CPB1: variants seen among roughly 807,000 people sequenced by gnomAD.
CPB1 encodes carboxypeptidase B.
A neutral mutation model predicts 51.4 loss-of-function variants in CPB1; 53 were observed. The ratio of observed to expected loss-of-function variants is 1.03; its 90% CI spans 0.83 to 1.30. The LOEUF (loss-of-function observed/expected upper bound fraction) is 1.30, where lower values mean the gene tolerates loss of function less well. Ranked by LOEUF, CPB1 falls within the 50% of genes most tolerant of loss-of-function variation. The pLI is 0.00. For missense variants in CPB1, 494 were observed against 516.2 expected, an observed-to-expected ratio of 0.96 and a Z score of 0.42; for synonymous variants, 189 against 186.9, an observed-to-expected ratio of 1.01 and a Z score of -0.09.
chr3:148,834,702 A>G, intron 3 of CPB1, 80 bp downstream of exon 3: 1 of 1,413,082 alleles, frequency 7.1e-7, no homozygotes, highest in Non-Finnish European at 9.7e-7. Context: ...CTGGGAAGGA[A>G]GAAATGAGAC....
rs759006417 is a variant in CPB1, at chr3:148,828,114, A to G, written c.147+37A>G. The G allele has an allele frequency of 2.0e-6, 3 of 1,494,430 alleles. No individual in the cohort carries two copies. The African/African-American group carries it at 4.2e-5, about 21-fold the overall frequency. The allele number at this position is 1,494,430 out of a possible 1,614,324, so 92.6% of individuals were successfully genotyped here. ...TTTTGATTTACTTCACATCTAATTT[A>G]AAATCTTAGATCGCACTGTGATTCC... On this transcript the variant is annotated intron_variant, in intron 2 of 10. Coordinates refer to ENST00000282957, the MANE Select transcript of CPB1 (RefSeq NM_001871.3).
At chr3:148,853,478 C>T (rs1051808504) in intron 9 of CPB1, among the ~76,000 whole-genome samples, 5 of 152,196 alleles carry the variant, frequency 3.3e-5, no homozygotes, top group African/African-American at 7.2e-5. Flanking sequence ...TCTTGGGCTA[C>T]GAGCTAGATG....
In CPB1 at chr3:148,850,615, A is replaced by G. The variant is rs567571707; in HGVS notation, c.981+4989A>G. ...TAATTGAAGTTTTAATTAAGGCATT[A>G]CTAAGATAGAAGTCCACTGCTCTCC... On this transcript the variant is annotated intron_variant, in intron 9 of 10. Transcript: ENST00000282957. 5.3e-5 allele frequency among the ~76,000 whole-genome samples: 8 copies of G among 152,332 alleles called. No homozygotes were observed. The South Asian group carries it at 8.3e-4, about 16-fold the overall frequency.
At chr3:148,859,060 C>T (rs1713676596) in intron 10 of CPB1, among the ~76,000 whole-genome samples, 1 of 152,076 alleles carries the variant, frequency 6.6e-6, no homozygotes, top group South Asian at 2.1e-4. Flanking sequence ...AGAGATAGCC[C>T]ACCTATTTAT....
intron 3 of CPB1, among the ~76,000 whole-genome samples, chr3:148,839,982 A>C (rs1713028979): frequency 6.6e-6 from 1 of 152,114 alleles, no homozygotes; most frequent in Non-Finnish European, 1.5e-5. Flanking sequence ...CATAATAGAA[A>C]CTATCACCTG....
chr3:148,844,594 T>A lies in CPB1; in HGVS notation c.687+6T>A, dbSNP rs770424800. The A allele has an allele frequency of 2.5e-6, 4 of 1,612,388 alleles. No homozygotes were observed. The highest frequency in any genetic ancestry group is 3.4e-6 in the Non-Finnish European group (4 of 1,178,540). Reference sequence around the variant, plus strand: ...ACATCTACACCTGGACCAAGGTATATGCACCAATACTGAGAGAGGCTGATG... The same window carrying A: ...ACATCTACACCTGGACCAAGGTATAAGCACCAATACTGAGAGAGGCTGATG... On this transcript the variant is annotated splice_donor_region_variant and intron_variant, in intron 7 of 10. Transcript: ENST00000282957.
rs1430022001 is a variant in CPB1, at chr3:148,844,525, C to T, written c.624C>T (p.Asp208=). ...GREIQVTELL[D]KLDFYVLPVL... The stretch of plus-strand genomic sequence containing the variant: ...AGATCCAAGTGACAGAGCTTCTCGA[C>T]AAGTTAGACTTTTATGTCCTGCCTG... The change falls in exon 7 of 11, where the codon GAC becomes GAT. Residue 208 remains aspartate (D), a synonymous_variant. Transcript: ENST00000282957. 1 of 1,613,916 alleles carries T rather than the reference C, an allele frequency of 6.2e-7. No homozygotes were observed. The highest frequency in any genetic ancestry group is 1.1e-5 in the South Asian group (1 of 91,068).
intron 9 of CPB1, among the ~76,000 whole-genome samples, chr3:148,853,726 C>T (rs1559961855): frequency 6.6e-6 from 1 of 152,130 alleles, no homozygotes; most frequent in South Asian, 2.1e-4. Context: ...TTGAAGTATT[C>T]CAAGGCCACA....
chr3:148,833,954 T>G (rs975649269), intron 2 of CPB1, among the ~76,000 whole-genome samples: 1 of 135,848 alleles, frequency 7.4e-6, no homozygotes, highest in Non-Finnish European at 1.7e-5. Flanking sequence ...CCAGCCACAG[T>G]GTCAATATAC....
chr3:148,846,797 G>GTGTATGTATGTATA (rs1364486523), intron 9 of CPB1, among the ~76,000 whole-genome samples: 1 of 50,562 alleles, frequency 2.0e-5, no homozygotes. Flanking sequence ...GTGTGCGTGT[G>GTGTATGTATGTATA]TATATATATA....
intron 6 of CPB1, among the ~76,000 whole-genome samples, chr3:148,843,803 C>T (rs1363178688): frequency 6.6e-6 from 1 of 151,978 alleles, no homozygotes; most frequent in Non-Finnish European, 1.5e-5. Flanking sequence ...GCATGATGTC[C>T]CTCATTCATA....
chr3:148,855,923 T>C (rs1277791776), intron 9 of CPB1: 2 of 152,244 alleles, frequency 1.3e-5, no homozygotes, highest in Admixed American at 1.3e-4. Flanking sequence ...TGCCTCACCA[T>C]GTTTCACATC....
chr3:148,829,266 T>C (rs1016342047), intron 2 of CPB1, among the ~76,000 whole-genome samples: 31 of 152,208 alleles, frequency 2.0e-4, no homozygotes, highest in African/African-American at 7.2e-4. Context: ...TCTGTCTATA[T>C]TTCTTTTTTT....
At chr3:148,849,663 T>C (rs1016929012) in intron 9 of CPB1, among the ~76,000 whole-genome samples, 1 of 152,140 alleles carries the variant, frequency 6.6e-6, no homozygotes, top group Non-Finnish European at 1.5e-5. Flanking sequence ...CTCCACAGAT[T>C]AACAAAATGG....
chr3:148,834,262 AT>A (rs1438898480), intron 2 of CPB1, among the ~76,000 whole-genome samples: 2 of 152,182 alleles, frequency 1.3e-5, no homozygotes, highest in African/African-American at 4.8e-5. Flanking sequence ...AAATGATTCT[AT>A]GTTTTTTCAT....
intron 9 of CPB1, chr3:148,856,359 C>A (rs1008412773): frequency 6.6e-6 from 1 of 152,150 alleles, no homozygotes; most frequent in Non-Finnish European, 1.5e-5. Flanking sequence ...TGAAGTCTTA[C>A]GGCCACGCCC....
chr3:148,844,832 C>T (rs991243969), intron 8 of CPB1, 65 bp downstream of exon 8: 14 of 1,394,674 alleles, frequency 1.0e-5, no homozygotes, highest in African/African-American at 1.4e-5. Flanking sequence ...AATATGAAAA[C>T]ACAACAGTAT....
intron 10 of CPB1, among the ~76,000 whole-genome samples, chr3:148,858,592 G>GT (rs1713660010): frequency 6.6e-6 from 1 of 151,860 alleles, no homozygotes; most frequent in Admixed American, 6.6e-5. Flanking sequence ...AAGACAGAGT[G>GT]TTTTTTTGGC....
At chr3:148,850,571 G>A (rs9839040) in intron 9 of CPB1, among the ~76,000 whole-genome samples, 40,507 of 152,070 alleles carry the variant, frequency 0.27, 5,480 homozygotes, top group South Asian at 0.31. Context: ...CGAAGTGCTG[G>A]GAGCCACCGC....
Sources: allele counts gnomAD v4.1 joint callset (sites outside exome capture counted in the v4.1 genomes callset), GRCh38; gene constraint gnomAD v4.1.1; transcripts MANE v1.5; gene names NCBI Gene and HGNC (gene_info 2026-07-23, HGNC 2026-07-21).